Variants in CACNA2D3 observed in about 807,000 individuals in gnomAD.
The protein encoded by CACNA2D3 is calcium voltage-gated channel auxiliary subunit alpha2delta 3.
Under a neutral mutation model 160.6 loss-of-function variants are expected in CACNA2D3, and 60 were observed. That is an observed-to-expected ratio of 0.37 (90% CI 0.30 to 0.46). The LOEUF (loss-of-function observed/expected upper bound fraction) is 0.46. Ranked by LOEUF, CACNA2D3 falls within the 20% of genes least tolerant of loss-of-function variation. The pLI is 1.00. For synonymous variants in CACNA2D3, 558 were observed against 492.9 expected (o/e 1.13, Z -1.75); for missense variants, 1,205 against 1,365.0 (o/e 0.88, Z 1.85).
intron 11 of CACNA2D3, among the ~76,000 whole-genome samples, chr3:54,685,268 G>C (rs1311395439): frequency 6.6e-6 from 1 of 152,214 alleles, no homozygotes. Flanking sequence ...GGTCCTCAAA[G>C]TTTTTCTGCA....
chr3:54,387,758 C>G (rs1306157686), intron 4 of CACNA2D3, among the ~76,000 whole-genome samples: 1 of 152,208 alleles, frequency 6.6e-6, no homozygotes, highest in Non-Finnish European at 1.5e-5. Flanking sequence ...TGTGACCTTT[C>G]CTCACCACTA....
At chr3:54,779,256 G>C (rs1476849416) in intron 13 of CACNA2D3, among the ~76,000 whole-genome samples, 1 of 151,936 alleles carries the variant, frequency 6.6e-6, no homozygotes, top group Non-Finnish European at 1.5e-5. Context: ...GTGCCACTAC[G>C]CCCAGCTAAT....
chr3:54,923,564 T>A (rs570514273), intron 27 of CACNA2D3, among the ~76,000 whole-genome samples: 6 of 152,338 alleles, frequency 3.9e-5, no homozygotes, highest in African/African-American at 1.4e-4. Context: ...ATTTATCATC[T>A]TATTTAACAT....
At chr3:54,802,323 G>T (rs1475918549) in intron 13 of CACNA2D3, among the ~76,000 whole-genome samples, 3 of 152,090 alleles carry the variant, frequency 2.0e-5, no homozygotes, top group African/African-American at 4.8e-5. Context: ...CCAAGGAGAA[G>T]GATATTCAGA....
intron 35 of CACNA2D3, among the ~76,000 whole-genome samples, chr3:55,038,175 T>C (rs1703872326): frequency 6.6e-6 from 1 of 152,204 alleles, no homozygotes; most frequent in African/African-American, 2.4e-5. Context: ...AATTTGGTTG[T>C]GGTACCTAGA....
At chr3:55,019,133 C>T (rs573202019) in intron 35 of CACNA2D3, among the ~76,000 whole-genome samples, 14 of 133,248 alleles carry the variant, frequency 1.1e-4, no homozygotes, top group Non-Finnish European at 1.6e-4. Flanking sequence ...TAGTCATGGG[C>T]TGAGTTCCCA....
chr3:54,321,922 CAAAAAAAAA>C (rs1214395409), intron 3 of CACNA2D3, among the ~76,000 whole-genome samples: 1 of 100,704 alleles, frequency 9.9e-6, no homozygotes, highest in Non-Finnish European at 2.0e-5. Context: ...GAAATCCTTG[CAAAAAAAAA>C]AAAAAAAAAA....
chr3:54,631,400 C>T (rs1699235571), intron 10 of CACNA2D3, among the ~76,000 whole-genome samples: 1 of 152,182 alleles, frequency 6.6e-6, no homozygotes, highest in Non-Finnish European at 1.5e-5. Flanking sequence ...TGGTTAATCT[C>T]CCATGAAAAT....
chr3:54,768,367 C>T (rs1428462413), intron 13 of CACNA2D3, among the ~76,000 whole-genome samples: 4 of 152,154 alleles, frequency 2.6e-5, no homozygotes, highest in Admixed American at 6.5e-5. Context: ...CTGATGCTCA[C>T]GGCAGATATA....
intron 33 of CACNA2D3, among the ~76,000 whole-genome samples, chr3:55,008,801 C>T (rs1188425821): frequency 1.3e-5 from 2 of 151,566 alleles, no homozygotes; most frequent in African/African-American, 4.9e-5. Flanking sequence ...TTTTTGTAGT[C>T]TTTACCAGCC....
intron 11 of CACNA2D3, among the ~76,000 whole-genome samples, chr3:54,740,008 G>C (rs1701618127): frequency 6.6e-6 from 1 of 152,030 alleles, no homozygotes; most frequent in African/African-American, 2.4e-5. Context: ...TTAGTATCTA[G>C]CATTTCCAGT....
rs576589151 is a variant in CACNA2D3, at chr3:55,074,036, G to T, written c.3184-78G>T. 2.6e-5 allele frequency: 33 copies of T among 1,245,380 alleles called. No individual in the cohort carries two copies. The South Asian group carries it at 3.5e-4, about 13-fold the overall frequency. 77.1% of individuals were successfully genotyped at this position (1,245,380 alleles called of 1,614,324 possible). ...GAAGACTTCGTTCTTACGTTAGAGA[G>T]GGGGAGAGAGGTCTGGGGAAAGTTG... On this transcript the variant is annotated intron_variant, in intron 37 of 37. Coordinates refer to ENST00000474759, the MANE Select transcript of CACNA2D3 (RefSeq NM_018398.3).
chr3:54,641,204 A>C (rs923522589), intron 10 of CACNA2D3, among the ~76,000 whole-genome samples: 1 of 152,232 alleles, frequency 6.6e-6, no homozygotes, highest in Admixed American at 6.5e-5. Context: ...AGGGAGACTG[A>C]AGTTACAGGC....
intron 2 of CACNA2D3, among the ~76,000 whole-genome samples, chr3:54,123,971 C>T (rs1293405369): frequency 6.6e-6 from 1 of 152,156 alleles, no homozygotes; most frequent in East Asian, 1.9e-4. Context: ...TTTTGTGATG[C>T]CTTTCACCTT....
chr3:54,511,722 G>A (rs1701462329), intron 5 of CACNA2D3, among the ~76,000 whole-genome samples: 1 of 152,198 alleles, frequency 6.6e-6, no homozygotes, highest in South Asian at 2.1e-4. Context: ...GGGAGAGCAG[G>A]AATGGTTACT....
Position 55,074,213 on chromosome 3 carries a change from C to T in CACNA2D3, c.*7C>T. On this transcript the variant is annotated 3_prime_UTR_variant, in exon 38 of 38. Transcript: ENST00000474759. ...GATGCTCTTCTCAAGGTGACACTGA[C>T]TGAGATGTTCTCTTACTGACTGAGA... 1 of 1,019,282 alleles carries T rather than the reference C, an allele frequency of 9.8e-7. No individual in the cohort carries two copies. The highest frequency in any genetic ancestry group is 2.1e-4 in the Middle Eastern group (1 of 4,682). The allele number at this position is 1,019,282 out of a possible 1,614,324, so 63.1% of individuals were successfully genotyped here. A position where few individuals can be genotyped will look rare whatever the true frequency, so the allele number is the denominator to read the frequency against.
chr3:55,033,763 A>ATTATATAAAATATATT (rs1703738137), intron 35 of CACNA2D3, among the ~76,000 whole-genome samples: 2 of 58,310 alleles, frequency 3.4e-5, no homozygotes, highest in Non-Finnish European at 7.4e-5. Flanking sequence ...TTAAATATAT[A>ATTATATAAAATATATT]TTATATAATA....
At chr3:54,784,096 A>G (rs754491435) in intron 13 of CACNA2D3, among the ~76,000 whole-genome samples, 5 of 152,212 alleles carry the variant, frequency 3.3e-5, no homozygotes, top group Non-Finnish European at 4.4e-5. Flanking sequence ...ATGACTTTGT[A>G]TGGTAAGTCT....
chr3:54,815,222 A>G (rs1168707), intron 13 of CACNA2D3, among the ~76,000 whole-genome samples: 4,503 of 152,326 alleles, frequency 0.03, 215 homozygotes, highest in African/African-American at 0.099. Flanking sequence ...AAACATCCTC[A>G]TATTTCCGTC....
Sources: gnomAD v4.1 joint callset for allele counts (sites outside exome capture counted in the v4.1 genomes callset) on GRCh38, gnomAD v4.1.1 for gene constraint, MANE v1.5 for transcripts, NCBI Gene and HGNC (gene_info 2026-07-23, HGNC 2026-07-21) for gene names.